The following MRPS28 variants were observed in gnomAD, a reference collection of about 807,000 sequenced individuals.
The protein encoded by MRPS28 is small ribosomal subunit protein bS1m.
A neutral mutation model predicts 10.8 loss-of-function variants in MRPS28; 7 were observed. The observed-to-expected ratio is 0.65, with a 90% confidence interval of 0.37 to 1.22. The LOEUF is 1.22. Ranked by LOEUF, MRPS28 falls within the 50% of genes most tolerant of loss-of-function variation. MRPS28 has a pLI of 0.02. For missense variants in MRPS28, 265 were observed against 232.9 expected, an observed-to-expected ratio of 1.14 and a Z score of -0.90; for synonymous variants, 121 against 93.3, an observed-to-expected ratio of 1.30 and a Z score of -1.71.
intron 2 of MRPS28, chr8:79,958,389 T>C: frequency 1.4e-6 from 1 of 699,044 alleles, no homozygotes; most frequent in Non-Finnish European, 2.6e-6. Context: ...CAGGTTATCA[T>C]CACTTGTGAA....
At chr8:79,980,217 T>C (rs1423900727) in intron 2 of MRPS28, among the ~76,000 whole-genome samples, 2 of 152,186 alleles carry the variant, frequency 1.3e-5, no homozygotes, top group East Asian at 1.9e-4. Context: ...CTTCAACCAC[T>C]TTAAAGACAA....
At chr8:79,982,337 G>A (rs1030723396) in intron 2 of MRPS28, among the ~76,000 whole-genome samples, 1 of 152,218 alleles carries the variant, frequency 6.6e-6, no homozygotes, top group Non-Finnish European at 1.5e-5. Context: ...CATGAGCGAC[G>A]CAGAAGACGG....
At chr8:80,017,258 A>G (rs1809220123) in intron 1 of MRPS28, among the ~76,000 whole-genome samples, 2 of 152,248 alleles carry the variant, frequency 1.3e-5, no homozygotes, top group Admixed American at 6.5e-5. Context: ...TGAAAATGAA[A>G]ACACAACTTA....
At chr8:79,936,734 T>G (rs555286432) in intron 2 of MRPS28, among the ~76,000 whole-genome samples, 4 of 152,232 alleles carry the variant, frequency 2.6e-5, no homozygotes, top group Admixed American at 2.6e-4. Context: ...ATATGACATA[T>G]GATGGCAACC....
intron 2 of MRPS28, among the ~76,000 whole-genome samples, chr8:79,981,821 A>T (rs1440928647): frequency 6.6e-6 from 1 of 152,254 alleles, no homozygotes; most frequent in Non-Finnish European, 1.5e-5. Context: ...AAAATGACAG[A>T]GAGTAGCATA....
intron 2 of MRPS28, among the ~76,000 whole-genome samples, chr8:79,988,589 T>G (rs750455365): frequency 6.6e-6 from 1 of 152,042 alleles, no homozygotes; most frequent in Non-Finnish European, 1.5e-5. Flanking sequence ...CCTAATATAT[T>G]CAATAAAAGA....
intron 1 of MRPS28, among the ~76,000 whole-genome samples, chr8:80,024,374 C>G (rs1809446907): frequency 6.6e-6 from 1 of 152,096 alleles, no homozygotes; most frequent in South Asian, 2.1e-4. Flanking sequence ...AACCTACAAC[C>G]ACCATACAGA....
rs186704645 is a variant in MRPS28, at chr8:79,927,959, A to G, written c.396-8811T>C. Among the ~76,000 whole-genome samples the G allele has an allele frequency of 1.2e-3, 181 of 152,232 alleles. 1 individual carries two copies. The highest frequency in any genetic ancestry group is 1.9e-3 in the Non-Finnish European group (130 of 67,996). On this transcript the variant is annotated intron_variant, in intron 2 of 2. Coordinates refer to ENST00000276585, the MANE Select transcript of MRPS28 (RefSeq NM_014018.3). ...GGACAAGAACCAGGGTCAACCAGGG[A>G]GCAGAAGGGGAAAGGGTGGAGCACA...
At chr8:79,982,220 C>G (rs1807978411) in intron 2 of MRPS28, among the ~76,000 whole-genome samples, 1 of 152,162 alleles carries the variant, frequency 6.6e-6, no homozygotes, top group African/African-American at 2.4e-5. Context: ...GCATTCCAGC[C>G]TGGGCAACTG....
At chr8:79,938,231 G>T (rs1047749151) in intron 2 of MRPS28, among the ~76,000 whole-genome samples, 1 of 143,200 alleles carries the variant, frequency 7.0e-6, no homozygotes. Context: ...GACATAGGTG[G>T]GGGGGGGCAT....
intron 2 of MRPS28, among the ~76,000 whole-genome samples, chr8:79,953,268 G>A (rs1807123964): frequency 1.3e-5 from 2 of 152,146 alleles, no homozygotes; most frequent in African/African-American, 2.4e-5. Context: ...TGCTGCAGAG[G>A]ACAGAGAGTT....
At chr8:79,948,947 T>C (rs1356762902) in intron 2 of MRPS28, among the ~76,000 whole-genome samples, 1 of 152,214 alleles carries the variant, frequency 6.6e-6, no homozygotes, top group Non-Finnish European at 1.5e-5. Flanking sequence ...CCTTTGAAAC[T>C]GATTCCTGAT....
intron 2 of MRPS28, among the ~76,000 whole-genome samples, chr8:79,968,659 TCTC>T (rs1311887724): frequency 4.0e-5 from 6 of 151,712 alleles, no homozygotes; most frequent in African/African-American, 1.2e-4. Context: ...TCTGCCTTCT[TCTC>T]CTCTCTCGCC....
At chr8:80,026,313 T>TACTAAA (rs1256398775) in intron 1 of MRPS28, among the ~76,000 whole-genome samples, 2 of 152,186 alleles carry the variant, frequency 1.3e-5, no homozygotes, top group African/African-American at 4.8e-5. Flanking sequence ...TTCCAGTAAA[T>TACTAAA]ACTAAAACTA....
intron 2 of MRPS28, among the ~76,000 whole-genome samples, chr8:79,945,949 A>G (rs547097641): frequency 1.3e-5 from 2 of 152,282 alleles, no homozygotes; most frequent in Admixed American, 6.5e-5. Context: ...CAACAACCCT[A>G]TAAGGTACAT....
chr8:79,973,380 C>A (rs115552334), intron 2 of MRPS28, among the ~76,000 whole-genome samples: 2,412 of 152,218 alleles, frequency 0.016, 60 homozygotes, highest in African/African-American at 0.053. Context: ...CCACACCATA[C>A]CCTCAGCCAC....
chr8:79,943,990 G>A lies in MRPS28; in HGVS notation c.396-24842C>T, dbSNP rs144918205. Among the ~76,000 whole-genome samples, 16 of 152,226 alleles carry A rather than the reference G, an allele frequency of 1.1e-4. No individual in the cohort carries two copies. The East Asian group carries it at 1.3e-3, about 13-fold the overall frequency. On this transcript the variant is annotated intron_variant, in intron 2 of 2. Coordinates refer to ENST00000276585, the MANE Select transcript of MRPS28 (RefSeq NM_014018.3). ...AATCTACATTCCAGATTTGGCCACC[G>A]TAAGTGCCACTACTATTTGTATTTC...
intron 1 of MRPS28, chr8:80,029,749 C>T: frequency 6.8e-7 from 1 of 1,472,736 alleles, no homozygotes; most frequent in South Asian, 1.2e-5. Flanking sequence ...AGCAGCGCTC[C>T]CCGCTGGTTA....
chr8:79,959,643 T>C (rs1459696257), intron 2 of MRPS28, among the ~76,000 whole-genome samples: 1 of 152,090 alleles, frequency 6.6e-6, no homozygotes, highest in Non-Finnish European at 1.5e-5. Context: ...AATATGGGTT[T>C]TGGGTATGAA....
Sources: allele counts gnomAD v4.1 joint callset (sites outside exome capture counted in the v4.1 genomes callset), GRCh38; gene constraint gnomAD v4.1.1; transcripts MANE v1.5; gene names NCBI Gene and HGNC (gene_info 2026-07-23, HGNC 2026-07-21).